The following NPAS3 variants were observed in gnomAD, a reference collection of about 807,000 sequenced individuals.
NPAS3 encodes the protein neuronal PAS domain protein 3.
NPAS3 carries 14 observed loss-of-function variants against 73.1 expected under a neutral mutation model. That is an observed-to-expected ratio of 0.19 (90% CI 0.13 to 0.30). The LOEUF (loss-of-function observed/expected upper bound fraction) is 0.30. NPAS3 is among the 10% of genes least tolerant of loss of function. The probability of loss-of-function intolerance (pLI) is 1.00; values close to 1 mark genes in which losing one functional copy is unlikely to be tolerated. For synonymous variants in NPAS3, 620 were observed against 541.5 expected, an observed-to-expected ratio of 1.14 and a Z score of -2.01; for missense variants, 1,096 against 1,250.0, an observed-to-expected ratio of 0.88 and a Z score of 1.86.
chr14:33,393,995 C>T (rs2047117107), intron 4 of NPAS3, among the ~76,000 whole-genome samples: 1 of 152,138 alleles, frequency 6.6e-6, no homozygotes, highest in East Asian at 1.9e-4. Context: ...TTGGAACTCT[C>T]GCTTGATTAT....
At chr14:33,692,280 T>A (rs926624196) in intron 6 of NPAS3, among the ~76,000 whole-genome samples, 8 of 152,288 alleles carry the variant, frequency 5.3e-5, no homozygotes, top group South Asian at 2.1e-4. Flanking sequence ...ATGCCTTTTT[T>A]AAAATCCCCT....
intron 3 of NPAS3, among the ~76,000 whole-genome samples, chr14:33,253,190 A>C (rs905319479): frequency 6.6e-6 from 1 of 152,066 alleles, no homozygotes; most frequent in South Asian, 2.1e-4. Context: ...TTTTTTGAGA[A>C]GTCTTCATGC....
intron 6 of NPAS3, among the ~76,000 whole-genome samples, chr14:33,711,452 G>C (rs941929597): frequency 3.9e-5 from 6 of 152,140 alleles, no homozygotes; most frequent in African/African-American, 1.4e-4. Flanking sequence ...GTGACAGAGA[G>C]ACCGGGCCAA....
At chr14:33,105,268 C>T (rs1302173870) in intron 2 of NPAS3, among the ~76,000 whole-genome samples, 2 of 152,092 alleles carry the variant, frequency 1.3e-5, no homozygotes, top group Admixed American at 1.3e-4. Context: ...TATATTTCTT[C>T]CAAGGAGCAT....
intron 3 of NPAS3, among the ~76,000 whole-genome samples, chr14:33,308,658 T>G (rs1474485460): frequency 6.6e-6 from 1 of 151,718 alleles, no homozygotes; most frequent in Admixed American, 6.6e-5. Context: ...TTAGTAGAAC[T>G]TGGAAATTTG....
intron 3 of NPAS3, among the ~76,000 whole-genome samples, chr14:33,268,634 C>T (rs369381867): frequency 9.2e-5 from 14 of 152,246 alleles, no homozygotes; most frequent in African/African-American, 3.4e-4. Context: ...CTATGATATG[C>T]CTATCACTTA....
intron 3 of NPAS3, among the ~76,000 whole-genome samples, chr14:33,261,960 T>C (rs769985136): frequency 6.6e-6 from 1 of 152,150 alleles, no homozygotes; most frequent in Non-Finnish European, 1.5e-5. Context: ...GTAAAGGTAA[T>C]GAAGCAGGAG....
chr14:33,561,945 A>G (rs1166267605), intron 5 of NPAS3, among the ~76,000 whole-genome samples: 5 of 152,240 alleles, frequency 3.3e-5, no homozygotes, highest in Non-Finnish European at 7.3e-5. Context: ...TTTGCTTTGC[A>G]TAACAGATGG....
intron 9 of NPAS3, among the ~76,000 whole-genome samples, chr14:33,791,370 T>A (rs1331303020): frequency 6.6e-6 from 1 of 152,238 alleles, no homozygotes; most frequent in Non-Finnish European, 1.5e-5. Context: ...TCTTGCTAGC[T>A]GACCCTTGGC....
intron 1 of NPAS3, among the ~76,000 whole-genome samples, chr14:33,008,182 A>T (rs2039066206): frequency 6.6e-6 from 1 of 152,180 alleles, no homozygotes; most frequent in Non-Finnish European, 1.5e-5. Flanking sequence ...AAACAGCCTA[A>T]ATGTTCATTG....
At chr14:33,456,541 C>T (rs1352716379) in intron 4 of NPAS3, among the ~76,000 whole-genome samples, 2 of 152,136 alleles carry the variant, frequency 1.3e-5, no homozygotes, top group Non-Finnish European at 2.9e-5. Context: ...AAGACCAGTC[C>T]TCAACTCTGT....
chr14:33,031,533 C>T (rs572339168), intron 1 of NPAS3, among the ~76,000 whole-genome samples: 160 of 152,274 alleles, frequency 1.1e-3, no homozygotes, highest in South Asian at 2.3e-3. Context: ...CACTATATTA[C>T]CCAGGCTGGA....
At chr14:33,052,432 C>G (rs2138506245) in intron 1 of NPAS3, among the ~76,000 whole-genome samples, 1 of 152,134 alleles carries the variant, frequency 6.6e-6, no homozygotes, top group South Asian at 2.1e-4. Flanking sequence ...AGAAACTGCC[C>G]AAGTCCAAAG....
chr14:33,686,797 C>G (rs1952602), intron 6 of NPAS3, among the ~76,000 whole-genome samples: 27,362 of 152,030 alleles, frequency 0.18, 2,653 homozygotes, highest in East Asian at 0.38. Flanking sequence ...CCAACCCCTG[C>G]GCCTGAGACC....
chr14:33,486,170 A>T (rs1194059587), intron 4 of NPAS3, among the ~76,000 whole-genome samples: 5 of 151,822 alleles, frequency 3.3e-5, no homozygotes, highest in Non-Finnish European at 5.9e-5. Context: ...ATTCTCACAA[A>T]GTCATGTATG....
intron 1 of NPAS3, among the ~76,000 whole-genome samples, chr14:32,971,443 T>C (rs1295915): frequency 0.12 from 18,979 of 152,216 alleles, 1,293 homozygotes; most frequent in Non-Finnish European, 0.13. Context: ...AGATAGTTTT[T>C]AAGGCATCTT....
At chr14:33,277,866 C>A (rs2140045579) in intron 3 of NPAS3, among the ~76,000 whole-genome samples, 1 of 152,124 alleles carries the variant, frequency 6.6e-6, no homozygotes, top group South Asian at 2.1e-4. Flanking sequence ...TAGACCTGAT[C>A]TGAGTGATAA....
upstream of NPAS3, among the ~76,000 whole-genome samples, chr14:32,937,685 T>C (rs1379386319): frequency 6.6e-6 from 1 of 152,228 alleles, no homozygotes; most frequent in African/African-American, 2.4e-5. Context: ...AGAGACCGAA[T>C]GGAGGACCCC....
At chr14:33,799,597 C>G (rs2063619255) in intron 11 of NPAS3, 137 bp from the exon 12 acceptor site, 8 of 821,316 alleles carry the variant, frequency 9.7e-6, no homozygotes, top group Non-Finnish European at 1.3e-5. Flanking sequence ...GATGGAGAAG[C>G]CCGTGATGAG....
Sources: gnomAD v4.1 joint callset for allele counts (sites outside exome capture counted in the v4.1 genomes callset) on GRCh38, gnomAD v4.1.1 for gene constraint, MANE v1.5 for transcripts, NCBI Gene and HGNC (gene_info 2026-07-23, HGNC 2026-07-21) for gene names.